Variants in IFT43 observed in about 807,000 individuals in gnomAD.
The protein encoded by IFT43 is intraflagellar transport protein 43 homolog.
Under a neutral mutation model 32.3 loss-of-function variants are expected in IFT43, and 33 were observed. The observed-to-expected ratio is 1.02, with a 90% CI of 0.77 to 1.37. The LOEUF (loss-of-function observed/expected upper bound fraction) is 1.37. Among genes scored for constraint, IFT43 ranks in the 40% most tolerant of loss-of-function variants. The pLI, the probability that IFT43 is intolerant of heterozygous loss-of-function variation, is 0.00. For synonymous variants in IFT43, 93 were observed against 98.2 expected, an observed-to-expected ratio of 0.95 and a Z score of 0.31; for missense variants, 274 against 265.9, an observed-to-expected ratio of 1.03 and a Z score of -0.21.
chr14:76,055,384 T>C (rs1007078411), intron 3 of IFT43, among the ~76,000 whole-genome samples: 2 of 151,676 alleles, frequency 1.3e-5, no homozygotes, highest in Non-Finnish European at 2.9e-5. Context: ...AATAAAAATA[T>C]ACTTCATGAC....
Position 76,076,639 on chromosome 14 carries a change from C to A in IFT43, c.296-5656C>A, listed in dbSNP as rs373332752. The A allele has an allele frequency of 1.9e-6, 3 of 1,614,044 alleles. No homozygotes were observed. Among genetic ancestry groups the A allele is most frequent in the African/African-American group, 1.3e-5 (1 of 74,934 alleles). On this transcript the variant is annotated intron_variant, in intron 5 of 8. Coordinates refer to ENST00000314067, the MANE Select transcript of IFT43 (RefSeq NM_001102564.3). ...AACAACAGCTGGATCTGAACGCATGCTATCACAAAACGCATCACAGAGATT... is the reference window on the plus strand; with the variant it reads ...AACAACAGCTGGATCTGAACGCATGATATCACAAAACGCATCACAGAGATT...
intron 3 of IFT43, among the ~76,000 whole-genome samples, chr14:76,025,415 T>C (rs142131209): frequency 7.2e-5 from 11 of 152,186 alleles, no homozygotes; most frequent in African/African-American, 2.2e-4. Flanking sequence ...TAAACTACCA[T>C]TGACATTCTT....
At chr14:76,029,082 C>A (rs1044683870) in intron 3 of IFT43, among the ~76,000 whole-genome samples, 1 of 152,252 alleles carries the variant, frequency 6.6e-6, no homozygotes, top group Non-Finnish European at 1.5e-5. Context: ...TACATTCCCA[C>A]CAACAGTGTG....
At chr14:76,000,822 G>A (rs2035870681) in intron 2 of IFT43, among the ~76,000 whole-genome samples, 1 of 152,194 alleles carries the variant, frequency 6.6e-6, no homozygotes, top group South Asian at 2.1e-4. Context: ...AATGGATAAT[G>A]ACATTTTTGA....
At chr14:76,046,912 C>G (rs1414421489) in intron 3 of IFT43, among the ~76,000 whole-genome samples, 1 of 152,206 alleles carries the variant, frequency 6.6e-6, no homozygotes, top group Non-Finnish European at 1.5e-5. Flanking sequence ...GTATGTCTCA[C>G]AGTTCTGGAG....
rs1328936967 is a variant in IFT43 at position 76,047,648 on chromosome 14, T to G, written c.216-10994T>G. Among the ~76,000 whole-genome samples, 5 of 151,674 alleles carry G rather than the reference T, an allele frequency of 3.3e-5. No individual in the cohort carries two copies. In the South Asian group the frequency reaches 1.0e-3, roughly 32 times the overall value. ...GGGTCAACTTTGTTTTGCCTAAAAG[T>G]AATTGAAAAAGGGAAGAGGCAGGAC... On this transcript the variant is annotated intron_variant, in intron 3 of 8. Transcript: ENST00000314067.
At chr14:76,005,587 A>T (rs1165918527) in intron 2 of IFT43, among the ~76,000 whole-genome samples, 1 of 152,164 alleles carries the variant, frequency 6.6e-6, no homozygotes, top group Non-Finnish European at 1.5e-5. Context: ...AAATTTGTGT[A>T]TGTATTTGGG....
chr14:76,023,168 A>G (rs553537446), intron 3 of IFT43, among the ~76,000 whole-genome samples: 1 of 152,358 alleles, frequency 6.6e-6, no homozygotes, highest in African/African-American at 2.4e-5. Context: ...GATGTTGGGT[A>G]AGATGTTTAC....
At chr14:76,046,986 C>G (rs1200142813) in intron 3 of IFT43, among the ~76,000 whole-genome samples, 3 of 152,162 alleles carry the variant, frequency 2.0e-5, no homozygotes, top group Non-Finnish European at 2.9e-5. Flanking sequence ...CTTTATACTT[C>G]CAAGACACCT....
chr14:75,994,663 C>T (rs535397580), intron 2 of IFT43, among the ~76,000 whole-genome samples: 7 of 152,300 alleles, frequency 4.6e-5, no homozygotes, highest in Non-Finnish European at 5.9e-5. Flanking sequence ...TCACTAGAAG[C>T]ATGGTTCAGC....
intron 2 of IFT43, among the ~76,000 whole-genome samples, chr14:76,016,463 A>G (rs967616049): frequency 1.3e-5 from 2 of 152,086 alleles, no homozygotes; most frequent in Admixed American, 6.6e-5. Flanking sequence ...GCTTTGTAGT[A>G]TTATATATTT....
At chr14:76,026,958 A>G (rs975429525) in intron 3 of IFT43, among the ~76,000 whole-genome samples, 4 of 152,234 alleles carry the variant, frequency 2.6e-5, no homozygotes, top group African/African-American at 9.6e-5. Flanking sequence ...GCAGGCCACT[A>G]TCCTTAGCAA....
At chr14:76,023,504 G>T (rs1789273328) in intron 3 of IFT43, among the ~76,000 whole-genome samples, 1 of 152,198 alleles carries the variant, frequency 6.6e-6, no homozygotes, top group African/African-American at 2.4e-5. Flanking sequence ...TACTTGAAAG[G>T]ATCATTGTGA....
At chr14:76,045,888 G>A (rs1356715443) in intron 3 of IFT43, among the ~76,000 whole-genome samples, 1 of 152,222 alleles carries the variant, frequency 6.6e-6, no homozygotes, top group Non-Finnish European at 1.5e-5. Flanking sequence ...AACAAAACTG[G>A]TATTTGAATC....
intron 3 of IFT43, among the ~76,000 whole-genome samples, chr14:76,050,468 CTT>C (rs1046808365): frequency 4.0e-5 from 6 of 151,142 alleles, no homozygotes; most frequent in Admixed American, 6.6e-5. Flanking sequence ...TGGTGGGAGT[CTT>C]TTGTTTGTTT....
intron 2 of IFT43, among the ~76,000 whole-genome samples, chr14:76,017,310 G>A (rs1166314226): frequency 6.6e-6 from 1 of 152,144 alleles, no homozygotes; most frequent in Non-Finnish European, 1.5e-5. Context: ...AGATGATAAT[G>A]TGGTTTTTAT....
chr14:76,081,366 C>T (rs1171525161), intron 5 of IFT43, among the ~76,000 whole-genome samples: 18 of 152,230 alleles, frequency 1.2e-4, no homozygotes, highest in South Asian at 2.1e-4. Context: ...CTGTCTCACC[C>T]CACCAGGCCT....
At chr14:76,030,338 T>C (rs1001917980) in intron 3 of IFT43, among the ~76,000 whole-genome samples, 1 of 152,186 alleles carries the variant, frequency 6.6e-6, no homozygotes, top group Non-Finnish European at 1.5e-5. Context: ...TTATTAGTAT[T>C]AGAGTACGTG....
At chr14:75,989,015 G>A in intron 2 of IFT43, 38 bp downstream of exon 2, 1 of 1,610,442 alleles carries the variant, frequency 6.2e-7, no homozygotes, top group Non-Finnish European at 8.5e-7. Flanking sequence ...AAGAAATACT[G>A]TTTAAGAGTT....
Sources: gnomAD v4.1 joint callset for allele counts (sites outside exome capture counted in the v4.1 genomes callset) on GRCh38, gnomAD v4.1.1 for gene constraint, MANE v1.5 for transcripts, NCBI Gene and HGNC (gene_info 2026-07-23, HGNC 2026-07-21) for gene names.